DDX3X: variants seen among roughly 807,000 people sequenced by gnomAD.
The protein encoded by DDX3X is DEAD-box helicase 3 X-linked.
In DDX3X, 4 loss-of-function variants were observed where a neutral mutation model predicts 52.7. The ratio of observed to expected loss-of-function variants is 0.08; its 90% CI spans 0.04 to 0.17. The LOEUF (loss-of-function observed/expected upper bound fraction) is 0.17, where lower values mean the gene tolerates loss of function less well. Ranked by LOEUF, DDX3X falls within the 10% of genes least tolerant of loss-of-function variation. The pLI is 1.00. For missense variants in DDX3X, 222 were observed against 548.6 expected (o/e 0.40, Z 5.95); for synonymous variants, 192 against 178.1 (o/e 1.08, Z -0.62).
rs201276107 is a variant in DDX3X, at chrX:41,346,223, C to T, written c.1316-6C>T. On this transcript the variant is annotated splice_region_variant and splice_polypyrimidine_tract_variant and intron_variant, in intron 12 of 16. Coordinates refer to ENST00000644876, the MANE Select transcript of DDX3X (RefSeq NM_001356.5). The stretch of plus-strand genomic sequence containing the variant: ...GTGACAAAAACCTATAATTTTTCAA[C>T]GACAGGCAAGGATTCACTGACCTTA... 5.9e-5 allele frequency: 70 copies of T among 1,193,692 alleles called. No homozygotes were observed. The South Asian group carries it at 6.9e-4, about 12-fold the overall frequency.
rs2147356826 is a variant in DDX3X, at chrX:41,345,541, T to C, written c.1308T>C (p.Asn436=). The C allele has an allele frequency of 8.3e-7, 1 of 1,197,650 alleles. No individual in the cohort carries two copies. The highest frequency in any genetic ancestry group is 3.0e-5 in the East Asian group (1 of 33,758). Residue 436 remains asparagine, a synonymous_variant, in exon 12 of 17, where the codon AAT becomes AAC. Transcript: ENST00000644876. The part of the protein sequence containing the change: ...DKRSFLLDLL[N]ATGKDSLTLV... ...GGTCATTTCTGCTTGACCTCCTAAA[T>C]GCAACAGGTAACATTATGAATTTTT...
At chrX:41,337,331 T>C (rs2063785470) in intron 1 of DDX3X, 77 bp from the exon 2 acceptor site, 1 of 912,977 alleles carries the variant, frequency 1.1e-6, no homozygotes, top group African/African-American at 1.9e-5. Context: ...TACTAGCAAA[T>C]GCTAGAGGGC....
chrX:41,361,866 A>T (rs1310609695), intron 5 of DDX3X, among the ~76,000 whole-genome samples: 1 of 111,343 alleles, frequency 9.0e-6, no homozygotes, highest in Non-Finnish European at 1.9e-5. Flanking sequence ...ATAGCAAGAG[A>T]TACTTGTACT....
chrX:41,341,235 T>G (rs1034591097), intron 3 of DDX3X: 1 of 270,270 alleles, frequency 3.7e-6, no homozygotes, highest in Admixed American at 5.9e-5. Context: ...CCTGCCCGCC[T>G]TGGCCTCCCA....
At position 41,349,901 on chromosome X, in the gene DDX3X, T is replaced by G. The variant is rs1398473587; in HGVS notation, c.*2182T>G. 4 of 74,086 alleles carry G rather than the reference T, an allele frequency of 5.4e-5. No individual in the cohort carries two copies. Among genetic ancestry groups the G allele is most frequent in the African/African-American group, 2.3e-4 (4 of 17,758 alleles). 6.1% of individuals were successfully genotyped at this position (74,086 alleles called of 1,213,427 possible). On this transcript the variant is annotated 3_prime_UTR_variant, in exon 17 of 17. Coordinates refer to ENST00000644876, the MANE Select transcript of DDX3X (RefSeq NM_001356.5). ...TGTGTGGATTTTGTTTAGTTGTGTG[T>G]TTTTTTTTTTTTTTCAGTGAATGTC...
chrX:41,346,369 C>A lies in DDX3X; in HGVS notation c.1456C>A (p.Gln486Lys). The change falls in exon 13 of 17, where the codon CAG becomes AAG. Residue 486 changes from glutamine to lysine, a missense_variant. Physicochemically the swap from Gln to Lys is moderately conservative, Grantham distance 53. Transcript: ENST00000644876. ...GAGGGATAGAGAAGAGGCCCTTCAC[C>A]AGTTCCGCTCAGGAAAAAGCCCAAT... ...SQRDREEALHQFRSGKSPILV... is the reference protein window; with the variant it reads ...SQRDREEALHKFRSGKSPILV... The A allele has an allele frequency of 8.3e-7, 1 of 1,210,580 alleles. No homozygotes were observed. The highest frequency in any genetic ancestry group is 1.1e-6 in the Non-Finnish European group (1 of 895,149).
rs960671126 is a variant in DDX3X, at chrX:41,348,309, A to G, written c.*590A>G. The G allele has an allele frequency of 1.7e-5, 2 of 119,180 alleles. No individual in the cohort carries two copies. The highest frequency in any genetic ancestry group is 3.2e-5 in the African/African-American group (1 of 31,250). 9.8% of individuals were successfully genotyped at this position (119,180 alleles called of 1,213,427 possible). ...AATGGAATTAGTTTCTAATGTGGCAAACTGTATTAAGTTAAAGTTCTGATT... is the reference window on the plus strand; with the variant it reads ...AATGGAATTAGTTTCTAATGTGGCAGACTGTATTAAGTTAAAGTTCTGATT... On this transcript the variant is annotated 3_prime_UTR_variant, in exon 17 of 17. Coordinates refer to ENST00000644876, the MANE Select transcript of DDX3X (RefSeq NM_001356.5).
At chrX:41,339,396 G>A (rs1467997496) in intron 3 of DDX3X, 2 of 127,219 alleles carry the variant, frequency 1.6e-5, no homozygotes, top group Non-Finnish European at 1.6e-5. Context: ...AGAGGTGGGT[G>A]CCCTACTGTG....
chrX:41,346,736 C>G lies in DDX3X; in HGVS notation c.1615+114C>G, dbSNP rs200215236. 1.0e-4 allele frequency: 100 copies of G among 965,227 alleles called. 1 individual carries two copies. In the East Asian group the frequency reaches 3.0e-3, roughly 29 times the overall value. The allele number at this position is 965,227 out of a possible 1,213,427, so 79.5% of individuals were successfully genotyped here. A position where few individuals can be genotyped will look rare whatever the true frequency, so the allele number is the denominator to read the frequency against. On this transcript the variant is annotated intron_variant, in intron 14 of 16. Coordinates refer to ENST00000644876, the MANE Select transcript of DDX3X (RefSeq NM_001356.5). Reference sequence around the variant, plus strand: ...CAATGAAAGTGACAAAGATTTTGCTCAAAGCACTTGTTTAAATATTACGTG... The same window carrying G: ...CAATGAAAGTGACAAAGATTTTGCTGAAAGCACTTGTTTAAATATTACGTG...
At chrX:41,344,515 A>G (rs770369681) in intron 10 of DDX3X, 116 bp downstream of exon 10, 7 of 873,785 alleles carry the variant, frequency 8.0e-6, no homozygotes, top group Non-Finnish European at 1.2e-5. Context: ...TCGGCTCACC[A>G]CAACCTCTGC....
At chrX:41,340,716 T>C (rs1197035285) in intron 3 of DDX3X, 1 of 293,493 alleles carries the variant, frequency 3.4e-6, no homozygotes, top group African/African-American at 2.7e-5. Context: ...TCTTGTACTT[T>C]ATACTATTGA....
In DDX3X at chrX:41,334,188, C is replaced by T. The variant is rs369597750; in HGVS notation, c.-65C>T. 1.8e-3 allele frequency: 1,932 copies of T among 1,101,876 alleles called. 3 individuals are homozygous for T. The highest frequency in any genetic ancestry group is 5.4e-3 in the South Asian group (278 of 51,889). The allele number at this position is 1,101,876 out of a possible 1,213,427, so 90.8% of individuals were successfully genotyped here. On this transcript the variant is annotated 5_prime_UTR_variant, in exon 1 of 17. Coordinates refer to ENST00000644876, the MANE Select transcript of DDX3X (RefSeq NM_001356.5). ...GAGCCGCAGTTCTCCCGTGAGAGGG[C>T]CTTCGCGGTGGAACAAACACTCGCT...
intron 5 of DDX3X, among the ~76,000 whole-genome samples, chrX:41,361,710 A>G (rs912439922): frequency 9.9e-5 from 11 of 110,640 alleles, no homozygotes; most frequent in South Asian, 3.9e-4. Flanking sequence ...AATATTAGAC[A>G]ATATATCACA....
intron 5 of DDX3X, among the ~76,000 whole-genome samples, chrX:41,358,182 A>T (rs1198382183): frequency 9.9e-6 from 1 of 100,817 alleles, no homozygotes. Flanking sequence ...GGTTCAAGCA[A>T]TTCTCCTGCC....
chrX:41,347,286 G>T, intron 15 of DDX3X, 26 bp from the exon 16 acceptor site: 1 of 1,191,291 alleles, frequency 8.4e-7, no homozygotes, highest in South Asian at 1.8e-5. Flanking sequence ...ATCTTCATGT[G>T]AACCAACATA....
Position 41,362,245 on chromosome X carries a change from C to T in DDX3X, c.655-2029C>T, listed in dbSNP as rs77724351. Among the ~76,000 whole-genome samples the T allele has an allele frequency of 1.4e-4, 15 of 110,019 alleles. No individual in the cohort carries two copies. The East Asian group carries it at 4.0e-3, about 29-fold the overall frequency. On this transcript the variant is annotated intron_variant, in intron 5 of 5. Coordinates refer to the DDX3X transcript ENST00000616050. ...CTGGGATTACAGGCGTGTGCCACCACGCCCGGCTAATTTTTGCATTGTTAG... is the reference window on the plus strand; with the variant it reads ...CTGGGATTACAGGCGTGTGCCACCATGCCCGGCTAATTTTTGCATTGTTAG...
chrX:41,341,117 C>T (rs2063843837), intron 3 of DDX3X: 1 of 163,887 alleles, frequency 6.1e-6, no homozygotes, highest in African/African-American at 3.0e-5. Flanking sequence ...TCCTGAGTAG[C>T]TGGGATTACA....
intron 4 of DDX3X, chrX:41,341,851 TAAAAG>T (rs1193878168): frequency 2.8e-5 from 9 of 316,751 alleles, no homozygotes; most frequent in Admixed American, 1.1e-4. Context: ...ATGTTCTACT[TAAAAG>T]AGTAAGTTCA....
chrX:41,334,429 T>C, intron 1 of DDX3X, 132 bp downstream of exon 1: 1 of 1,130,165 alleles, frequency 8.8e-7, no homozygotes, highest in South Asian at 2.1e-5. Flanking sequence ...CGGGTGTGAG[T>C]GCCCCGGGGC....
Sources: allele counts gnomAD v4.1 joint callset (sites outside exome capture counted in the v4.1 genomes callset), GRCh38; gene constraint gnomAD v4.1.1; transcripts MANE v1.5; gene names NCBI Gene and HGNC (gene_info 2026-07-23, HGNC 2026-07-21).